Variants in HUNK observed in about 807,000 individuals in gnomAD.
The protein encoded by HUNK is hormonally up-regulated Neu-associated kinase.
A neutral mutation model predicts 61.0 loss-of-function variants in HUNK; 21 were observed. The ratio of observed to expected loss-of-function variants is 0.34; its 90% CI spans 0.24 to 0.50. The LOEUF is 0.50. HUNK is among the 20% of genes least tolerant of loss of function. The pLI, the probability that HUNK is intolerant of heterozygous loss-of-function variation, is 0.98. For missense variants in HUNK, 772 were observed against 945.7 expected (o/e 0.82, Z 2.41); for synonymous variants, 371 against 386.1 (o/e 0.96, Z 0.46).
At chr21:31,956,632 T>C (rs1322205310) in intron 4 of HUNK, among the ~76,000 whole-genome samples, 1 of 152,186 alleles carries the variant, frequency 6.6e-6, no homozygotes, top group African/African-American at 2.4e-5. Context: ...GTTACCACCA[T>C]TGGTCCTGCA....
rs1601381249 is a variant in HUNK at position 31,924,822 on chromosome 21, G to C, written c.554+62G>C. The C allele has an allele frequency of 7.1e-7, 1 of 1,413,614 alleles. No homozygotes were observed. The highest frequency in any genetic ancestry group is 1.4e-5 in the African/African-American group (1 of 69,914). The allele number at this position is 1,413,614 out of a possible 1,614,324, so 87.6% of individuals were successfully genotyped here. A position where few individuals can be genotyped will look rare whatever the true frequency, so the allele number is the denominator to read the frequency against. The stretch of plus-strand genomic sequence containing the variant: ...TGCTCCGTGGGTGGCACTGGGCTGT[G>C]GCACCCTCTGAGCCTCTGAGAAAGG... On this transcript the variant is annotated intron_variant, in intron 2 of 10. Transcript: ENST00000270112. This position sits in a 1 kb window ranked among gnomAD's most constrained non-coding sequence, Gnocchi z 5.1.
At chr21:31,956,898 A>C (rs1276184826) in intron 4 of HUNK, among the ~76,000 whole-genome samples, 2 of 152,284 alleles carry the variant, frequency 1.3e-5, no homozygotes, top group South Asian at 4.1e-4. Flanking sequence ...CACTAAACAC[A>C]CACAGGGAAA....
chr21:31,999,113 C>A lies in HUNK; in HGVS notation c.2074C>A (p.Pro692Thr). The change falls in exon 11 of 11, where the codon CCC becomes ACC. Residue 692 changes from proline to threonine, a missense_variant. Pro to Thr is a conservative substitution (Grantham distance 38). Transcript: ENST00000270112. Reference sequence around the variant, plus strand: ...AGATAGGCCCCTGGAGGCCAGCCTGCCCCCACTGCAGCCCCTAGCCCCTGT... The same window carrying A: ...AGATAGGCCCCTGGAGGCCAGCCTGACCCCACTGCAGCCCCTAGCCCCTGT... ...SADRPLEASLPPLQPLAPVNL... is the reference protein window; with the variant it reads ...SADRPLEASLTPLQPLAPVNL... The A allele has an allele frequency of 6.2e-7, 1 of 1,614,178 alleles. No individual in the cohort carries two copies. Among genetic ancestry groups the A allele is most frequent in the Non-Finnish European group, 8.5e-7 (1 of 1,180,000 alleles).
chr21:31,937,358 T>C (rs2052739478), intron 2 of HUNK, among the ~76,000 whole-genome samples: 1 of 152,154 alleles, frequency 6.6e-6, no homozygotes, highest in Admixed American at 6.5e-5. Flanking sequence ...AAAGCATTTA[T>C]GGGGCTTTAA....
chr21:31,966,062 C>G (rs1197068238), intron 5 of HUNK, among the ~76,000 whole-genome samples: 1 of 152,140 alleles, frequency 6.6e-6, no homozygotes, highest in Non-Finnish European at 1.5e-5. Flanking sequence ...CTGCCCCTCT[C>G]CTACCCTTCC....
rs901352748 is a variant in HUNK, at chr21:31,977,784, T to C, written c.1173+3067T>C. Among the ~76,000 whole-genome samples the C allele has an allele frequency of 1.4e-4, 21 of 152,348 alleles. No homozygotes were observed. The South Asian group carries it at 3.7e-3, about 27-fold the overall frequency. ...ATGGATCACTGGAGCCTCGACTTCC[T>C]GGGCTCAAGCCATCCTGCTATAGTC... On this transcript the variant is annotated intron_variant, in intron 7 of 10. Transcript: ENST00000270112.
chr21:31,919,517 T>C (rs1349348537), intron 1 of HUNK, among the ~76,000 whole-genome samples: 1 of 152,080 alleles, frequency 6.6e-6, no homozygotes, highest in African/African-American at 2.4e-5. Context: ...GATAATGAGG[T>C]CTAGATTCAT....
intron 10 of HUNK, among the ~76,000 whole-genome samples, chr21:31,997,323 T>G (rs561189729): frequency 9.8e-5 from 15 of 152,332 alleles, no homozygotes; most frequent in African/African-American, 3.6e-4. Flanking sequence ...GCAGGTTGCC[T>G]TAACTGTATG....
chr21:31,988,632 C>T (rs984360616), intron 8 of HUNK, among the ~76,000 whole-genome samples: 1 of 150,614 alleles, frequency 6.6e-6, no homozygotes. Flanking sequence ...TTTCTCTCCT[C>T]CCTCCCTCAT....
rs1351747309 is a variant in HUNK at position 31,946,031 on chromosome 21, T to G, written c.611-5T>G. 1.9e-6 allele frequency: 3 copies of G among 1,588,856 alleles called. No homozygotes were observed. The highest frequency in any genetic ancestry group is 2.6e-6 in the Non-Finnish European group (3 of 1,161,110). On this transcript the variant is annotated splice_polypyrimidine_tract_variant and splice_region_variant and intron_variant, in intron 3 of 10. Transcript: ENST00000270112. The stretch of plus-strand genomic sequence containing the variant: ...GGAGCTTGTTTTGTTCACCTCTCTT[T>G]GCAGACTTTGGTTTGAGCAACTGCG...
At chr21:31,897,544 C>T (rs891184739) in intron 1 of HUNK, among the ~76,000 whole-genome samples, 7 of 152,144 alleles carry the variant, frequency 4.6e-5, no homozygotes, top group African/African-American at 1.7e-4. Context: ...TTAGGGCCCA[C>T]CATAATGACC....
intron 4 of HUNK, among the ~76,000 whole-genome samples, chr21:31,952,066 A>G (rs1418138119): frequency 6.6e-6 from 1 of 152,110 alleles, no homozygotes. Context: ...ACATAGAGTA[A>G]AGGAAGGAAG....
intron 6 of HUNK, among the ~76,000 whole-genome samples, chr21:31,969,556 C>G (rs976566222): frequency 2.6e-5 from 4 of 151,846 alleles, no homozygotes; most frequent in Non-Finnish European, 5.9e-5. Flanking sequence ...GATTAAAAAA[C>G]ATTTCTCTTT....
At chr21:31,994,255 C>T (rs989929782) in intron 9 of HUNK, among the ~76,000 whole-genome samples, 1 of 152,226 alleles carries the variant, frequency 6.6e-6, no homozygotes, top group Non-Finnish European at 1.5e-5. Context: ...ACATCAGCTA[C>T]AGGCCAGGGC....
chr21:31,966,805 C>T (rs1220788851), intron 5 of HUNK, among the ~76,000 whole-genome samples: 1 of 152,116 alleles, frequency 6.6e-6, no homozygotes, highest in African/African-American at 2.4e-5. Context: ...GGACCAAGCA[C>T]ATTATTATTT....
At chr21:31,904,406 G>A (rs2052490661) in intron 1 of HUNK, among the ~76,000 whole-genome samples, 1 of 152,130 alleles carries the variant, frequency 6.6e-6, no homozygotes, top group Admixed American at 6.5e-5. Context: ...ATAAAAAGAT[G>A]GTGACCTCTT....
chr21:31,914,366 C>A (rs1480703245), intron 1 of HUNK, among the ~76,000 whole-genome samples: 3 of 124,420 alleles, frequency 2.4e-5, no homozygotes, highest in African/African-American at 9.2e-5. Flanking sequence ...TGAGATCTTG[C>A]CATTGTACTC....
intron 1 of HUNK, among the ~76,000 whole-genome samples, chr21:31,907,154 C>T (rs997936216): frequency 6.6e-6 from 1 of 152,036 alleles, no homozygotes; most frequent in Admixed American, 6.6e-5. Context: ...GCCTGGGCAA[C>T]AAGAGTGAAA....
In HUNK at chr21:31,998,662, G is replaced by A; in HGVS notation, c.1623G>A (p.Gly541=). Residue 541 remains glycine (G), a synonymous_variant, in exon 11 of 11, where the codon GGG becomes GGA. Transcript: ENST00000270112. Reference sequence around the variant, plus strand: ...AGAAACCGGAGCCCCATCAGCCAGGGCCCGGAAGCACTGGCATCCCCCACA... The same window carrying A: ...AGAAACCGGAGCCCCATCAGCCAGGACCCGGAAGCACTGGCATCCCCCACA... ...IVKKPEPHQP[G]PGSTGIPHKE... 6.2e-7 allele frequency: 1 copy of A among 1,614,120 alleles called. No homozygotes were observed. Among genetic ancestry groups the A allele is most frequent in the Non-Finnish European group, 8.5e-7 (1 of 1,180,026 alleles).
Sources: gnomAD v4.1 joint callset for allele counts (sites outside exome capture counted in the v4.1 genomes callset) on GRCh38, gnomAD v4.1.1 for gene constraint, Gnocchi (gnomAD v3.1) non-coding constraint, MANE v1.5 for transcripts, NCBI Gene and HGNC (gene_info 2026-07-23, HGNC 2026-07-21) for gene names.